The following P3H2 variants were observed in gnomAD, a reference collection of about 807,000 sequenced individuals.
P3H2 encodes the protein prolyl 3-hydroxylase 2.
Under a neutral mutation model 87.0 loss-of-function variants are expected in P3H2, and 80 were observed. That is an observed-to-expected ratio of 0.92 (90% CI 0.77 to 1.11). P3H2 has a LOEUF of 1.11. Among genes scored for constraint, P3H2 ranks in the 50% least tolerant of loss-of-function variants. The pLI is 0.00. For synonymous variants in P3H2, 367 were observed against 359.3 expected (o/e 1.02, Z -0.24); for missense variants, 1,001 against 923.9 (o/e 1.08, Z -1.08).
chr3:190,019,559 A>AGAATCACCTAGGGGTCATAGG (rs745966217), intron 1 of P3H2, among the ~76,000 whole-genome samples: 3 of 135,914 alleles, frequency 2.2e-5, no homozygotes, highest in African/African-American at 2.5e-5. Context: ...CTGGATGCTC[A>AGAATCACCTAGGGGTCATAGG]TTATCGTTTC....
chr3:190,048,246 A>G (rs1725866046), intron 1 of P3H2, among the ~76,000 whole-genome samples: 1 of 152,234 alleles, frequency 6.6e-6, no homozygotes, highest in African/African-American at 2.4e-5. Flanking sequence ...CTGTAATCCC[A>G]GCACTTTGGG....
chr3:190,028,274 A>G (rs1394369319), intron 1 of P3H2, among the ~76,000 whole-genome samples: 2 of 152,210 alleles, frequency 1.3e-5, no homozygotes, highest in African/African-American at 4.8e-5. Context: ...CAACTGGGGA[A>G]TAATTTTTAG....
intron 1 of P3H2, among the ~76,000 whole-genome samples, chr3:190,008,134 G>A (rs1351290829): frequency 6.6e-6 from 1 of 151,844 alleles, no homozygotes; most frequent in Non-Finnish European, 1.5e-5. Flanking sequence ...GATAAGTATA[G>A]AGTGAAAAGT....
intron 1 of P3H2, among the ~76,000 whole-genome samples, chr3:190,032,802 CG>C (rs11294030): frequency 0.017 from 2,542 of 152,042 alleles, 73 homozygotes; most frequent in African/African-American, 0.059. Context: ...GCCAGGATTT[CG>C]TGGAAGACAA....
At chr3:189,981,298 T>C (rs1723526501) in intron 8 of P3H2, among the ~76,000 whole-genome samples, 1 of 152,188 alleles carries the variant, frequency 6.6e-6, no homozygotes, top group African/African-American at 2.4e-5. Flanking sequence ...GAAATGCCAG[T>C]TGTGGGCTAA....
chr3:189,962,401 C>G (rs999831911), intron 14 of P3H2, among the ~76,000 whole-genome samples: 3 of 152,120 alleles, frequency 2.0e-5, no homozygotes, highest in Non-Finnish European at 4.4e-5. Flanking sequence ...TCTCCAACTC[C>G]TGACCTCAGG....
chr3:190,095,536 C>T (rs1029952547), intron 1 of P3H2, among the ~76,000 whole-genome samples: 7 of 149,544 alleles, frequency 4.7e-5, no homozygotes, highest in African/African-American at 1.7e-4. Context: ...TAAGAGAGAG[C>T]TAAGTCCATG....
At position 189,986,883 on chromosome 3, in the gene P3H2, G is replaced by T; in HGVS notation, c.1099-6C>A. ...TTCACAAACATTGTTAAATCCTAGA[G>T]AAAAAGAAGTAAAGAAAGACATTTT... On this transcript the variant is annotated splice_region_variant and splice_polypyrimidine_tract_variant and intron_variant, in intron 5 of 14. Transcript: ENST00000319332. 1 of 1,588,658 alleles carries T rather than the reference G, an allele frequency of 6.3e-7. No individual in the cohort carries two copies. The highest frequency in any genetic ancestry group is 1.1e-5 in the South Asian group (1 of 90,420).
intron 13 of P3H2, chr3:189,969,760 C>G (rs191664260): frequency 5.6e-6 from 9 of 1,602,844 alleles, no homozygotes; most frequent in African/African-American, 1.3e-5. Flanking sequence ...ATGGAGTATC[C>G]ACATATTTTT....
At chr3:190,056,032 T>C (rs1577300018) in intron 1 of P3H2, among the ~76,000 whole-genome samples, 1 of 152,148 alleles carries the variant, frequency 6.6e-6, no homozygotes, top group Non-Finnish European at 1.5e-5. Flanking sequence ...GGGTGGGGTC[T>C]TTTAGGATGG....
At chr3:190,035,073 T>C (rs1191389820) in intron 1 of P3H2, among the ~76,000 whole-genome samples, 1 of 152,034 alleles carries the variant, frequency 6.6e-6, no homozygotes, top group East Asian at 1.9e-4. Flanking sequence ...GGTCTCACAC[T>C]CCTGACCTCA....
rs373341644 is a variant in P3H2, at chr3:189,980,215, G to A, written c.1324+2831C>T. ...TTTGGGGAAGATGAGAAAAGCTGAA[G>A]TATACTCTATTCTGCGACACATGCC... On this transcript the variant is annotated intron_variant, in intron 8 of 14. Coordinates refer to ENST00000319332, the MANE Select transcript of P3H2 (RefSeq NM_018192.4). Among the ~76,000 whole-genome samples, 37 of 152,274 alleles carry A rather than the reference G, an allele frequency of 2.4e-4. No homozygotes were observed. In the East Asian group the frequency reaches 3.7e-3, roughly 15 times the overall value.
At chr3:190,038,252 A>C (rs1029339035) in intron 1 of P3H2, among the ~76,000 whole-genome samples, 1 of 151,514 alleles carries the variant, frequency 6.6e-6, no homozygotes, top group Non-Finnish European at 1.5e-5. Flanking sequence ...AAAAAAAAAA[A>C]AAAACTGTCA....
intron 11 of P3H2, among the ~76,000 whole-genome samples, 161 bp downstream of exon 11, chr3:189,972,713 A>T (rs1313885825): frequency 2.0e-5 from 3 of 152,256 alleles, no homozygotes; most frequent in Non-Finnish European, 4.4e-5. Flanking sequence ...AAAAGGAAGA[A>T]AAAGAAAGAA....
intron 1 of P3H2, among the ~76,000 whole-genome samples, chr3:190,028,679 A>ACTC (rs1294799566): frequency 6.6e-6 from 1 of 150,762 alleles, no homozygotes; most frequent in Non-Finnish European, 1.5e-5. Flanking sequence ...AGATGGAGAC[A>ACTC]CTCTATGTTT....
intron 1 of P3H2, among the ~76,000 whole-genome samples, chr3:190,064,049 T>C (rs1186730816): frequency 1.3e-5 from 2 of 149,354 alleles, no homozygotes; most frequent in African/African-American, 2.5e-5. Flanking sequence ...TGGAGAATAG[T>C]AGGGCAATCA....
chr3:190,029,682 A>G (rs566642098), intron 1 of P3H2, among the ~76,000 whole-genome samples: 1 of 152,316 alleles, frequency 6.6e-6, no homozygotes, highest in East Asian at 1.9e-4. Context: ...TAGAAGACAA[A>G]ATGTATCATT....
chr3:189,988,996 C>T lies in P3H2; in HGVS notation c.866G>A (p.Arg289Lys). The T allele has an allele frequency of 6.2e-7, 1 of 1,614,032 alleles. No individual in the cohort carries two copies. Reference sequence around the variant, plus strand: ...GCGGCCAGGGCGGGTGGCAAGTTCCCTCACACATTCATGCTGACAAACAAG... The same window carrying T: ...GCGGCCAGGGCGGGTGGCAAGTTCCTTCACACATTCATGCTGACAAACAAG... ...QVLVCQHECVRELATRPGRLS... is the reference protein window; with the variant it reads ...QVLVCQHECVKELATRPGRLS... The change falls in exon 4 of 15, where the codon AGG becomes AAG. Residue 289 changes from arginine to lysine, a missense_variant. Physicochemically the swap from Arg to Lys is conservative, Grantham distance 26. Coordinates refer to ENST00000319332, the MANE Select transcript of P3H2 (RefSeq NM_018192.4).
chr3:190,024,530 C>CAAAAAAAAAAAAAAA (rs71635314), intron 1 of P3H2, among the ~76,000 whole-genome samples: 7 of 52,910 alleles, frequency 1.3e-4, no homozygotes, highest in South Asian at 1.2e-3. Context: ...GGTTCCCTCT[C>CAAAAAAAAAAAAAAA]AAAAAAAAAA....
Sources: allele counts gnomAD v4.1 joint callset (sites outside exome capture counted in the v4.1 genomes callset), GRCh38; gene constraint gnomAD v4.1.1; transcripts MANE v1.5; gene names NCBI Gene and HGNC (gene_info 2026-07-23, HGNC 2026-07-21).